The following ZFHX3 variants were observed in gnomAD, a reference collection of about 807,000 sequenced individuals.
ZFHX3 encodes zinc finger homeobox protein 3.
A neutral mutation model predicts 279.1 loss-of-function variants in ZFHX3; 42 were observed. That is an observed-to-expected ratio of 0.15 (90% CI 0.12 to 0.19). ZFHX3 has a LOEUF of 0.19. Among genes scored for constraint, ZFHX3 ranks in the 10% least tolerant of loss-of-function variants. The probability of loss-of-function intolerance (pLI) is 1.00; values close to 1 mark genes in which losing one functional copy is unlikely to be tolerated. For synonymous variants in ZFHX3, 2,293 were observed against 1,957.8 expected (o/e 1.17, Z -4.52); for missense variants, 4,981 against 4,754.0 (o/e 1.05, Z -1.40).
At chr16:73,251,237 C>A (rs1226999701) in intron 5 of ZFHX3, among the ~76,000 whole-genome samples, 1 of 152,186 alleles carries the variant, frequency 6.6e-6, no homozygotes, top group Admixed American at 6.5e-5. Flanking sequence ...AGTGAGGGTA[C>A]TATGGGTACT....
intron 4 of ZFHX3, among the ~76,000 whole-genome samples, chr16:73,285,817 G>GT (rs1354515837): frequency 2.0e-5 from 3 of 152,182 alleles, no homozygotes; most frequent in Admixed American, 2.0e-4. Context: ...TTTGGCTGTT[G>GT]TTTTTCAAAC....
At chr16:73,852,926 C>T (rs1961625673) in intron 1 of ZFHX3, among the ~76,000 whole-genome samples, 1 of 152,088 alleles carries the variant, frequency 6.6e-6, no homozygotes, top group East Asian at 1.9e-4. Flanking sequence ...ACAGGACTAA[C>T]ATCCAGAATC....
At chr16:72,997,963 TC>T (rs1963356294) in intron 1 of ZFHX3, among the ~76,000 whole-genome samples, 1 of 151,860 alleles carries the variant, frequency 6.6e-6, no homozygotes, top group Non-Finnish European at 1.5e-5. Context: ...GCACCTCTGG[TC>T]CCAGCTACTC....
At chr16:72,903,411 C>A (rs1225863370) in intron 3 of ZFHX3, among the ~76,000 whole-genome samples, 1 of 152,202 alleles carries the variant, frequency 6.6e-6, no homozygotes, top group Non-Finnish European at 1.5e-5. Context: ...CTGAGGCAAG[C>A]TCACTTGGTG....
chr16:73,604,761 C>A (rs1432386383), intron 2 of ZFHX3, among the ~76,000 whole-genome samples: 3 of 145,286 alleles, frequency 2.1e-5, no homozygotes, highest in African/African-American at 5.0e-5. Context: ...AAAAAAAAAT[C>A]TCCCATGATC....
chr16:73,863,002 G>GGAGTTC (rs11280742), intron 1 of ZFHX3, among the ~76,000 whole-genome samples: 114,385 of 151,234 alleles, frequency 0.76, 44,247 homozygotes, highest in African/African-American at 0.94. Context: ...CAGAAGGTCA[G>GGAGTTC]GAGACCAGCC....
chr16:73,393,920 G>T (rs1301972818), intron 3 of ZFHX3, among the ~76,000 whole-genome samples: 2 of 145,560 alleles, frequency 1.4e-5, no homozygotes, highest in African/African-American at 5.1e-5. Context: ...ATGAATATAT[G>T]ATATATATAA....
chr16:73,501,941 G>T (rs1340259801), intron 2 of ZFHX3, among the ~76,000 whole-genome samples: 9 of 152,022 alleles, frequency 5.9e-5, no homozygotes, highest in Admixed American at 5.9e-4. Context: ...TTTGGTTAAT[G>T]TTATAGAGGA....
intron 4 of ZFHX3, among the ~76,000 whole-genome samples, chr16:73,263,727 C>T (rs907598364): frequency 6.6e-6 from 1 of 152,242 alleles, no homozygotes; most frequent in Admixed American, 6.5e-5. Context: ...CCTCCTGTCC[C>T]ACCTCTTACT....
At chr16:73,882,335 T>A (rs2030195405) in intron 1 of ZFHX3, among the ~76,000 whole-genome samples, 1 of 152,068 alleles carries the variant, frequency 6.6e-6, no homozygotes, top group Non-Finnish European at 1.5e-5. Context: ...AAATGCAGCA[T>A]TTTTGCTGTC....
chr16:73,766,322 C>T (rs936431754), intron 1 of ZFHX3, among the ~76,000 whole-genome samples: 5 of 152,194 alleles, frequency 3.3e-5, no homozygotes, highest in African/African-American at 9.6e-5. Context: ...CTTAAAATCT[C>T]TTGTTTCTTC....
chr16:73,147,107 G>C (rs1966867103), intron 5 of ZFHX3, among the ~76,000 whole-genome samples: 1 of 152,210 alleles, frequency 6.6e-6, no homozygotes, highest in South Asian at 2.1e-4. Flanking sequence ...TTCCATTGTA[G>C]GATAAGCCAT....
intron 6 of ZFHX3, among the ~76,000 whole-genome samples, chr16:73,143,125 C>T (rs1384109421): frequency 6.6e-6 from 1 of 151,936 alleles, no homozygotes; most frequent in African/African-American, 2.4e-5. Context: ...CCTTGTTTCC[C>T]CCCTTTCTTC....
intron 1 of ZFHX3, among the ~76,000 whole-genome samples, chr16:73,703,474 C>T (rs7184882): frequency 0.77 from 116,118 of 151,278 alleles, 46,867 homozygotes; most frequent in Non-Finnish European, 0.9. Flanking sequence ...AATTGAATTC[C>T]ACAATGCAAG....
At chr16:73,541,336 C>G (rs185695597) in intron 2 of ZFHX3, among the ~76,000 whole-genome samples, 4 of 152,076 alleles carry the variant, frequency 2.6e-5, no homozygotes, top group African/African-American at 7.2e-5. Context: ...AATTTAAAAA[C>G]TTAGCCAGGC....
intron 2 of ZFHX3, among the ~76,000 whole-genome samples, chr16:73,538,407 C>T (rs1392284535): frequency 6.6e-6 from 1 of 152,154 alleles, no homozygotes; most frequent in Non-Finnish European, 1.5e-5. Context: ...AATTTCAGCT[C>T]TGAAGGTATC....
At chr16:73,246,996 A>G (rs974463347) in intron 5 of ZFHX3, among the ~76,000 whole-genome samples, 6 of 152,130 alleles carry the variant, frequency 3.9e-5, no homozygotes, top group Non-Finnish European at 5.9e-5. Context: ...TGTGTATGTG[A>G]CACGTCTGTG....
chr16:73,241,402 C>G (rs918718113), intron 5 of ZFHX3, among the ~76,000 whole-genome samples: 2 of 152,138 alleles, frequency 1.3e-5, no homozygotes, highest in African/African-American at 4.8e-5. Flanking sequence ...CACAGAGGTA[C>G]ATGTGTTTTA....
chr16:73,131,734 G>A (rs1966686777), intron 6 of ZFHX3, among the ~76,000 whole-genome samples: 2 of 152,154 alleles, frequency 1.3e-5, no homozygotes, highest in South Asian at 2.1e-4. Flanking sequence ...AGGGAGTTAC[G>A]AAAAGCCACT....
Sources: allele counts gnomAD v4.1 joint callset (sites outside exome capture counted in the v4.1 genomes callset), GRCh38; gene constraint gnomAD v4.1.1; transcripts MANE v1.5; gene names NCBI Gene and HGNC (gene_info 2026-07-23, HGNC 2026-07-21).